Variants in CCDC126 observed in about 807,000 individuals in gnomAD.
CCDC126 encodes coiled-coil domain containing 126, also known as coiled-coil domain-containing protein 126.
CCDC126 carries 5 observed loss-of-function variants against 11.7 expected under a neutral mutation model. The observed-to-expected ratio is 0.43, with a 90% CI of 0.22 to 0.90. The LOEUF is 0.90. CCDC126 is among the 40% of genes least tolerant of loss of function. The pLI is 0.27. For missense variants in CCDC126, 150 were observed against 163.1 expected (o/e 0.92, Z 0.44); for synonymous variants, 60 against 61.9 (o/e 0.97, Z 0.14).
chr7:23,637,881 G>A (rs1245916181), intron 3 of CCDC126, among the ~76,000 whole-genome samples: 59 of 119,764 alleles, frequency 4.9e-4, no homozygotes, highest in Admixed American at 1.0e-3. Context: ...CCGTCCGGGA[G>A]GTGAGGGGCG....
In CCDC126 at chr7:23,612,502, CAAAGAAA is replaced by C. The variant is rs1782733999; in HGVS notation, c.238+960_238+966del. ...AAAAAAAAAAAAAAAAAAAAAAAAA[CAAAGAAA>C]AAAGAAAAAAAAAATTAGCCAGGCA... On this transcript the variant is annotated intron_variant, in intron 3 of 3. Coordinates refer to ENST00000307471, the MANE Select transcript of CCDC126 (RefSeq NM_138771.4). Among the ~76,000 whole-genome samples the C allele has an allele frequency of 6.7e-5, 5 of 74,956 alleles. 1 individual carries two copies. In the East Asian group the frequency reaches 1.2e-3, roughly 19 times the overall value. 49.2% of individuals were successfully genotyped at this position (74,956 alleles called of 152,430 possible). A position where few individuals can be genotyped will look rare whatever the true frequency, so the allele number is the denominator to read the frequency against.
intron 3 of CCDC126, among the ~76,000 whole-genome samples, chr7:23,637,528 T>TG (rs1584218866): frequency 5.4e-5 from 2 of 37,338 alleles, no homozygotes; most frequent in Non-Finnish European, 9.5e-5. Context: ...GGGAGGGAGG[T>TG]GGGGGGATCA....
chr7:23,618,765 G>A (rs1452880630), intron 3 of CCDC126, among the ~76,000 whole-genome samples: 1 of 151,686 alleles, frequency 6.6e-6, no homozygotes, highest in Non-Finnish European at 1.5e-5. Context: ...TTCAAGGCCA[G>A]GTTGGCCTTG....
intron 3 of CCDC126, among the ~76,000 whole-genome samples, chr7:23,622,022 G>T (rs921863670): frequency 2.0e-5 from 3 of 152,114 alleles, no homozygotes; most frequent in African/African-American, 7.2e-5. Context: ...TGTTCATCAG[G>T]GATATTGGTC....
At chr7:23,623,409 C>A (rs1782958410) in intron 3 of CCDC126, among the ~76,000 whole-genome samples, 1 of 152,004 alleles carries the variant, frequency 6.6e-6, no homozygotes, top group Non-Finnish European at 1.5e-5. Context: ...CCAGCCACGA[C>A]AACATGGCGA....
At chr7:23,607,689 A>G (rs182174478) in intron 2 of CCDC126, among the ~76,000 whole-genome samples, 14 of 152,232 alleles carry the variant, frequency 9.2e-5, no homozygotes, top group Admixed American at 6.5e-4. Context: ...TACCAGTGGA[A>G]ATTGTTTCCT....
chr7:23,621,377 G>C (rs970404565), intron 3 of CCDC126, among the ~76,000 whole-genome samples: 1 of 152,022 alleles, frequency 6.6e-6, no homozygotes, highest in Non-Finnish European at 1.5e-5. Flanking sequence ...TTGGCTCTCT[G>C]TTTGTGTGTT....
intron 3 of CCDC126, among the ~76,000 whole-genome samples, chr7:23,612,145 C>CAAA (rs68133290): frequency 3.6e-5 from 2 of 55,368 alleles, no homozygotes; most frequent in Non-Finnish European, 4.1e-5. Flanking sequence ...GACTCCGTCT[C>CAAA]AAAAAAAAAA....
At chr7:23,618,341 G>A (rs1416885087) in intron 3 of CCDC126, among the ~76,000 whole-genome samples, 1 of 152,008 alleles carries the variant, frequency 6.6e-6, no homozygotes, top group South Asian at 2.1e-4. Flanking sequence ...TTCTGACATG[G>A]CCAGCTCCCC....
chr7:23,626,022 A>G (rs552420673), intron 3 of CCDC126, among the ~76,000 whole-genome samples: 1 of 133,688 alleles, frequency 7.5e-6, no homozygotes, highest in East Asian at 2.0e-4. Flanking sequence ...TTTGATTTTC[A>G]GTTGCCTAAT....
At chr7:23,620,733 T>C (rs1384397740) in intron 3 of CCDC126, among the ~76,000 whole-genome samples, 3 of 152,346 alleles carry the variant, frequency 2.0e-5, no homozygotes, top group African/African-American at 7.2e-5. Flanking sequence ...AAGTCTTTAA[T>C]CCATCTTGAA....
intron 3 of CCDC126, among the ~76,000 whole-genome samples, chr7:23,636,092 C>G (rs1783205280): frequency 6.6e-6 from 1 of 152,166 alleles, no homozygotes; most frequent in Non-Finnish European, 1.5e-5. Context: ...TCTCCAGCTC[C>G]TAACCGCGAG....
intron 2 of CCDC126, among the ~76,000 whole-genome samples, chr7:23,599,185 C>T (rs1782486701): frequency 6.6e-6 from 1 of 152,224 alleles, no homozygotes; most frequent in Admixed American, 6.5e-5. Flanking sequence ...TGTTCTCTTT[C>T]TCCCTACTCT....
chr7:23,603,161 A>G (rs1008768002), intron 2 of CCDC126, among the ~76,000 whole-genome samples: 1 of 152,044 alleles, frequency 6.6e-6, no homozygotes, highest in Non-Finnish European at 1.5e-5. Flanking sequence ...CCTTTAGAAG[A>G]CTTTGTGTTT....
intron 3 of CCDC126, chr7:23,622,749 G>T: frequency 1.5e-5 from 8 of 518,692 alleles, no homozygotes; most frequent in Non-Finnish European, 3.1e-5. Context: ...GATTCCTGGA[G>T]TTCCTGTCAT....
At chr7:23,616,996 G>A (rs1782804609) in intron 3 of CCDC126, among the ~76,000 whole-genome samples, 1 of 151,810 alleles carries the variant, frequency 6.6e-6, no homozygotes, top group South Asian at 2.1e-4. Context: ...GATTTCCTTA[G>A]CTTAATTTCC....
At chr7:23,598,568 C>T (rs1198215745) in intron 2 of CCDC126, 4 of 152,190 alleles carry the variant, frequency 2.6e-5, no homozygotes, top group Non-Finnish European at 5.9e-5. Flanking sequence ...CTTTGGGAAT[C>T]CTTAGAGGCG....
At chr7:23,628,856 A>T (rs1783057544) in intron 3 of CCDC126, among the ~76,000 whole-genome samples, 1 of 152,198 alleles carries the variant, frequency 6.6e-6, no homozygotes, top group Non-Finnish European at 1.5e-5. Context: ...AGTGGAGAGT[A>T]CATGGGGACC....
At chr7:23,625,112 C>T (rs949619763) in intron 3 of CCDC126, among the ~76,000 whole-genome samples, 3 of 152,120 alleles carry the variant, frequency 2.0e-5, no homozygotes, top group African/African-American at 7.2e-5. Context: ...CCAAAGTGCT[C>T]GGATTACAGA....
Sources: gnomAD v4.1 joint callset for allele counts (sites outside exome capture counted in the v4.1 genomes callset) on GRCh38, gnomAD v4.1.1 for gene constraint, MANE v1.5 for transcripts, NCBI Gene and HGNC (gene_info 2026-07-23, HGNC 2026-07-21) for gene names.